The following PITPNM3 variants were observed in gnomAD, a reference collection of about 807,000 sequenced individuals.
PITPNM3 encodes the protein PITPNM family member 3.
A neutral mutation model predicts 102.0 loss-of-function variants in PITPNM3; 26 were observed. The observed-to-expected ratio is 0.25, with a 90% CI of 0.19 to 0.35. PITPNM3 has a LOEUF of 0.35. Ranked by LOEUF, PITPNM3 falls within the 10% of genes least tolerant of loss-of-function variation. The pLI, the probability that PITPNM3 is intolerant of heterozygous loss-of-function variation, is 1.00. For missense variants in PITPNM3, 1,083 were observed against 1,346.1 expected (o/e 0.80, Z 3.06); for synonymous variants, 578 against 558.6 (o/e 1.03, Z -0.49).
intron 2 of PITPNM3, among the ~76,000 whole-genome samples, chr17:6,534,067 T>A (rs1389975267): frequency 6.6e-6 from 1 of 152,242 alleles, no homozygotes; most frequent in Non-Finnish European, 1.5e-5. Context: ...CTCCCAGCTC[T>A]GGCTTGTTCT....
chr17:6,544,283 G>A (rs1439323449), intron 1 of PITPNM3, among the ~76,000 whole-genome samples: 2 of 152,222 alleles, frequency 1.3e-5, no homozygotes, highest in East Asian at 3.8e-4. Context: ...CCAGCACTTT[G>A]GGAGGCCAAG....
intron 4 of PITPNM3, among the ~76,000 whole-genome samples, chr17:6,485,268 C>T (rs975608202): frequency 2.0e-5 from 3 of 151,344 alleles, no homozygotes; most frequent in African/African-American, 7.3e-5. Flanking sequence ...AAGTGATTCT[C>T]CTGCCTCAGC....
intron 2 of PITPNM3, among the ~76,000 whole-genome samples, chr17:6,529,944 G>T (rs1217477101): frequency 6.6e-6 from 1 of 152,230 alleles, no homozygotes. Context: ...TGGGGGAAAA[G>T]GTAGAGGGAG....
At position 6,525,369 on chromosome 17, in the gene PITPNM3, C is replaced by T. The variant is rs1440367450; in HGVS notation, c.213G>A (p.Leu71=). ...LVEQIETMGK[L]DEHQGEGTAP... ...GCAGAGTCTCACCTTGATGCTCGTC[C>T]AGTTTCCCCATGGTCTCGATCTGCT... Residue 71 remains leucine (L), a synonymous_variant, in exon 3 of 20, where the codon CTG becomes CTA. Coordinates refer to ENST00000262483, the MANE Select transcript of PITPNM3 (RefSeq NM_031220.4). 6.2e-7 allele frequency: 1 copy of T among 1,614,016 alleles called. No homozygotes were observed. Among genetic ancestry groups the T allele is most frequent in the Non-Finnish European group, 8.5e-7 (1 of 1,179,960 alleles).
chr17:6,482,139 G>A (rs538218081), intron 6 of PITPNM3, among the ~76,000 whole-genome samples: 5 of 149,036 alleles, frequency 3.4e-5, no homozygotes, highest in African/African-American at 4.9e-5. Context: ...TCTGATCTCC[G>A]TTGTCTGATT....
intron 1 of PITPNM3, among the ~76,000 whole-genome samples, chr17:6,543,822 G>A (rs543762739): frequency 4.2e-4 from 64 of 152,288 alleles, no homozygotes; most frequent in African/African-American, 1.4e-3. Context: ...GAGGGTTTCC[G>A]GGGGAGGGGA....
intron 2 of PITPNM3, among the ~76,000 whole-genome samples, chr17:6,530,627 G>A (rs1182298274): frequency 6.6e-6 from 1 of 152,140 alleles, no homozygotes; most frequent in Non-Finnish European, 1.5e-5. Flanking sequence ...GACAAGTCTT[G>A]TGCTTTGCTC....
chr17:6,482,949 C>CTT (rs139179907), intron 6 of PITPNM3, among the ~76,000 whole-genome samples: 2 of 144,312 alleles, frequency 1.4e-5, no homozygotes, highest in Non-Finnish European at 3.1e-5. Flanking sequence ...CACTCCGTGT[C>CTT]TTTTTTTTTT....
intron 1 of PITPNM3, among the ~76,000 whole-genome samples, chr17:6,550,283 A>G (rs973702091): frequency 4.6e-5 from 7 of 152,220 alleles, no homozygotes; most frequent in African/African-American, 1.7e-4. Context: ...CTAGATATTT[A>G]ACCCTACTGG....
At chr17:6,543,143 C>T (rs1336290179) in intron 1 of PITPNM3, among the ~76,000 whole-genome samples, 2 of 152,194 alleles carry the variant, frequency 1.3e-5, no homozygotes, top group African/African-American at 2.4e-5. Context: ...AGCACAGCTC[C>T]GAGCTGGGCC....
chr17:6,451,886 G>A lies in PITPNM3; in HGVS notation c.*3452C>T, dbSNP rs57115440. 7.8e-5 allele frequency: 6 copies of A among 76,918 alleles called. No homozygotes were observed. The highest frequency in any genetic ancestry group is 3.8e-4 in the African/African-American group (6 of 15,610). The allele number at this position is 76,918 out of a possible 1,614,324, so 4.8% of individuals were successfully genotyped here. ...CTTGGCACCCAAACCCCCCCCCCCC[G>A]CCCGCCGATGGGATTCGGTGGGAAA... is the stretch of plus-strand genomic sequence containing the variant. On this transcript the variant is annotated 3_prime_UTR_variant, in exon 20 of 20. Transcript: ENST00000262483.
At chr17:6,530,756 G>T (rs534559262) in intron 2 of PITPNM3, among the ~76,000 whole-genome samples, 138 of 152,288 alleles carry the variant, frequency 9.1e-4, no homozygotes, top group Non-Finnish European at 1.8e-3. Context: ...CAACTGTCAG[G>T]GCCTGGCCTG....
intron 4 of PITPNM3, among the ~76,000 whole-genome samples, chr17:6,503,040 C>CG (rs1043549040): frequency 6.6e-6 from 1 of 152,196 alleles, no homozygotes; most frequent in African/African-American, 2.4e-5. Flanking sequence ...ATCATCACCC[C>CG]GGGCACATCC....
At chr17:6,504,801 G>T (rs1440075466) in intron 3 of PITPNM3, among the ~76,000 whole-genome samples, 1 of 152,174 alleles carries the variant, frequency 6.6e-6, no homozygotes, top group South Asian at 2.1e-4. Context: ...ACCTGTATAT[G>T]CCTCAATCTT....
intron 3 of PITPNM3, among the ~76,000 whole-genome samples, chr17:6,509,560 C>T (rs1907744312): frequency 6.6e-6 from 1 of 152,222 alleles, no homozygotes; most frequent in Non-Finnish European, 1.5e-5. Flanking sequence ...AGGCTCCGGG[C>T]CAGACTGGTG....
intron 6 of PITPNM3, chr17:6,480,786 C>T (rs1905622442): frequency 6.6e-6 from 1 of 152,330 alleles, no homozygotes; most frequent in South Asian, 2.1e-4. Flanking sequence ...TGCTGAGAAC[C>T]CAGGTATCCA....
At chr17:6,477,865 T>G in intron 8 of PITPNM3, 110 bp downstream of exon 8, 1 of 1,562,884 alleles carries the variant, frequency 6.4e-7, no homozygotes, top group Admixed American at 1.7e-5. Context: ...TACACTTCTT[T>G]GTGACCTGGA....
In PITPNM3 at chr17:6,556,243, C is replaced by A; in HGVS notation, c.22+142G>T. The A allele has an allele frequency of 1.7e-6, 1 of 586,174 alleles. No homozygotes were observed. The highest frequency in any genetic ancestry group is 2.0e-5 in the African/African-American group (1 of 49,878). The allele number at this position is 586,174 out of a possible 1,614,324, so 36.3% of individuals were successfully genotyped here. A position where few individuals can be genotyped will look rare whatever the true frequency, so the allele number is the denominator to read the frequency against. On this transcript the variant is annotated intron_variant, in intron 1 of 19. Coordinates refer to ENST00000262483, the MANE Select transcript of PITPNM3 (RefSeq NM_031220.4). The surrounding 1 kb of genome is among the most constrained non-coding windows in gnomAD (Gnocchi z 5.2). ...AGCCCCCTCTCCACGCGCGGGAGGT[C>A]CAGCCCCGCTACCGCCCCCTACGCC... is the stretch of plus-strand genomic sequence containing the variant.
chr17:6,451,396 C>G lies in PITPNM3; in HGVS notation c.*3942G>C, dbSNP rs1348820203. 1 of 152,182 alleles carries G rather than the reference C, an allele frequency of 6.6e-6. No individual in the cohort carries two copies. Among genetic ancestry groups the G allele is most frequent in the Non-Finnish European group, 1.5e-5 (1 of 68,030 alleles). The allele number at this position is 152,182 out of a possible 1,614,324, so 9.4% of individuals were successfully genotyped here. A position where few individuals can be genotyped will look rare whatever the true frequency, so the allele number is the denominator to read the frequency against. ...TTTTGTCTTGTTAGAAATCTGATAT[C>G]TTACATTAGCGTTTCTAACGGATTT... On this transcript the variant is annotated 3_prime_UTR_variant, in exon 20 of 20. Transcript: ENST00000262483.
Sources: gnomAD v4.1 joint callset for allele counts (sites outside exome capture counted in the v4.1 genomes callset) on GRCh38, gnomAD v4.1.1 for gene constraint, Gnocchi (gnomAD v3.1) non-coding constraint, MANE v1.5 for transcripts, NCBI Gene and HGNC (gene_info 2026-07-23, HGNC 2026-07-21) for gene names.